The following KIAA1328 variants were observed in gnomAD, a reference collection of about 807,000 sequenced individuals.
The protein encoded by KIAA1328 is protein hinderin.
In KIAA1328, 52 loss-of-function variants were observed where a neutral mutation model predicts 68.1. The observed-to-expected ratio is 0.76, with a 90% CI of 0.61 to 0.96. The LOEUF is 0.96. KIAA1328 is among the 40% of genes least tolerant of loss of function. The pLI, the probability that KIAA1328 is intolerant of heterozygous loss-of-function variation, is 0.00. For synonymous variants in KIAA1328, 232 were observed against 239.4 expected (o/e 0.97, Z 0.28); for missense variants, 641 against 677.6 (o/e 0.95, Z 0.60).
chr18:36,846,254 A>G (rs910043050), intron 4 of KIAA1328, among the ~76,000 whole-genome samples: 22 of 151,604 alleles, frequency 1.5e-4, no homozygotes. Context: ...TGAATTTTCA[A>G]TCTGGTTTGA....
chr18:36,956,654 T>A (rs144479898), intron 5 of KIAA1328, among the ~76,000 whole-genome samples: 1 of 152,278 alleles, frequency 6.6e-6, no homozygotes, highest in Non-Finnish European at 1.5e-5. Context: ...TTAAATGAAT[T>A]TGCCTATAAT....
intron 6 of KIAA1328, among the ~76,000 whole-genome samples, chr18:37,026,562 G>C (rs1204049145): frequency 6.6e-6 from 1 of 152,104 alleles, no homozygotes; most frequent in Admixed American, 6.6e-5. Context: ...TGCAAGACTG[G>C]TTCAACATAT....
At chr18:37,105,535 G>C (rs1407301369) in intron 7 of KIAA1328, among the ~76,000 whole-genome samples, 1 of 148,270 alleles carries the variant, frequency 6.7e-6, no homozygotes, top group Non-Finnish European at 1.5e-5. Flanking sequence ...CACTACTGCA[G>C]AAAAGTATTT....
intron 7 of KIAA1328, among the ~76,000 whole-genome samples, chr18:37,127,965 A>G (rs1022696704): frequency 6.6e-6 from 1 of 152,162 alleles, no homozygotes; most frequent in Non-Finnish European, 1.5e-5. Flanking sequence ...AATTCCATGG[A>G]GGAAAGAAAT....
intron 9 of KIAA1328, among the ~76,000 whole-genome samples, chr18:37,210,710 T>C (rs2060300317): frequency 6.6e-6 from 1 of 152,230 alleles, no homozygotes; most frequent in South Asian, 2.1e-4. Flanking sequence ...TGCACTGCTC[T>C]TTTCTGACAT....
rs1214086994 is a variant in KIAA1328 at position 37,224,391 on chromosome 18, T to C, written c.*2164T>C. On this transcript the variant is annotated 3_prime_UTR_variant, in exon 10 of 10. Coordinates refer to ENST00000280020, the MANE Select transcript of KIAA1328 (RefSeq NM_020776.3). ...TCTTTGCCTCTCCATGAATGGCCAA[T>C]TTGGAAAAGCAGAGATGGGCTTTCA... The C allele has an allele frequency of 3.0e-6, 3 of 985,248 alleles. No homozygotes were observed. The African/African-American group carries it at 5.2e-5, about 17-fold the overall frequency. The allele number at this position is 985,248 out of a possible 1,614,324, so 61.0% of individuals were successfully genotyped here.
intron 7 of KIAA1328, among the ~76,000 whole-genome samples, chr18:37,113,746 G>A (rs190544120): frequency 6.6e-6 from 1 of 152,140 alleles, no homozygotes. Flanking sequence ...TCATCATTGT[G>A]CTGTATTCAG....
chr18:37,111,496 T>A (rs141762684), intron 7 of KIAA1328, among the ~76,000 whole-genome samples: 1 of 152,318 alleles, frequency 6.6e-6, no homozygotes, highest in East Asian at 1.9e-4. Context: ...TTGGCACTCA[T>A]ACACATCATC....
At chr18:37,200,798 AC>A (rs2060096428) in intron 9 of KIAA1328, among the ~76,000 whole-genome samples, 1 of 149,470 alleles carries the variant, frequency 6.7e-6, no homozygotes, top group Admixed American at 6.7e-5. Context: ...GGCCTGGGCG[AC>A]AGAGCGAGAC....
chr18:37,182,644 C>G (rs538355917), intron 9 of KIAA1328, among the ~76,000 whole-genome samples: 1 of 152,202 alleles, frequency 6.6e-6, no homozygotes, highest in African/African-American at 2.4e-5. Context: ...ATAAGTGTAT[C>G]CCCTAACAAA....
At chr18:37,079,863 G>A (rs115943190) in intron 7 of KIAA1328, among the ~76,000 whole-genome samples, 1,613 of 149,596 alleles carry the variant, frequency 0.011, 39 homozygotes, top group African/African-American at 0.037. Context: ...CTCTAGCCTC[G>A]GTGACAGAGC....
chr18:37,067,997 A>G (rs2151738956), intron 7 of KIAA1328, among the ~76,000 whole-genome samples: 1 of 152,278 alleles, frequency 6.6e-6, no homozygotes, highest in East Asian at 1.9e-4. Flanking sequence ...TATGTCTACT[A>G]AGTAAATTCC....
chr18:36,890,207 CT>C (rs950306242), intron 5 of KIAA1328, among the ~76,000 whole-genome samples: 4 of 148,514 alleles, frequency 2.7e-5, no homozygotes, highest in African/African-American at 4.9e-5. Context: ...AAGGAACTAG[CT>C]TTTTTTTCTT....
intron 5 of KIAA1328, among the ~76,000 whole-genome samples, chr18:36,888,651 AT>A (rs2150991811): frequency 6.6e-6 from 1 of 152,288 alleles, no homozygotes; most frequent in African/African-American, 2.4e-5. Flanking sequence ...TTTAAATGAC[AT>A]TTATGGTTTT....
chr18:37,102,061 A>G (rs1440081765), intron 7 of KIAA1328, among the ~76,000 whole-genome samples: 1 of 152,218 alleles, frequency 6.6e-6, no homozygotes, highest in Non-Finnish European at 1.5e-5. Flanking sequence ...GAAAAAGAAA[A>G]TTACAGACCA....
chr18:37,081,050 G>A (rs2056932982), intron 7 of KIAA1328, among the ~76,000 whole-genome samples: 1 of 151,726 alleles, frequency 6.6e-6, no homozygotes, highest in African/African-American at 2.4e-5. Context: ...GCGTGATCTC[G>A]ACTCACTGCA....
intron 4 of KIAA1328, among the ~76,000 whole-genome samples, chr18:36,849,986 A>G (rs974912234): frequency 1.3e-5 from 2 of 152,078 alleles, no homozygotes; most frequent in African/African-American, 2.4e-5. Context: ...GGCCATTTGT[A>G]TATATCCTCT....
At chr18:37,108,334 A>G (rs966782120) in intron 7 of KIAA1328, among the ~76,000 whole-genome samples, 1 of 151,934 alleles carries the variant, frequency 6.6e-6, no homozygotes, top group African/African-American at 2.4e-5. Context: ...CACATAAACT[A>G]AATATGAGAA....
At chr18:37,043,280 T>G (rs932161275) in intron 6 of KIAA1328, among the ~76,000 whole-genome samples, 5 of 151,760 alleles carry the variant, frequency 3.3e-5, no homozygotes, top group African/African-American at 1.2e-4. Flanking sequence ...TGGCTTTTTT[T>G]CCCCCCAAGT....
Sources: gnomAD v4.1 joint callset for allele counts (sites outside exome capture counted in the v4.1 genomes callset) on GRCh38, gnomAD v4.1.1 for gene constraint, MANE v1.5 for transcripts, NCBI Gene and HGNC (gene_info 2026-07-23, HGNC 2026-07-21) for gene names.